Variants in VPS13C observed in about 807,000 individuals in gnomAD.
VPS13C encodes vacuolar protein sorting 13 homolog C.
Under a neutral mutation model 456.8 loss-of-function variants are expected in VPS13C, and 358 were observed. The ratio of observed to expected loss-of-function variants is 0.78; its 90% CI spans 0.72 to 0.86. The LOEUF (loss-of-function observed/expected upper bound fraction) is 0.86. VPS13C is among the 40% of genes least tolerant of loss of function. VPS13C has a pLI of 0.00. For synonymous variants in VPS13C, 1,578 were observed against 1,486.7 expected, an observed-to-expected ratio of 1.06 and a Z score of -1.41; for missense variants, 4,818 against 4,385.4, an observed-to-expected ratio of 1.10 and a Z score of -2.79.
chr15:62,002,253 A>G (rs1320265566), intron 15 of VPS13C, among the ~76,000 whole-genome samples: 12 of 152,042 alleles, frequency 7.9e-5, no homozygotes, highest in Non-Finnish European at 4.4e-5. Flanking sequence ...TTTGATTTGC[A>G]TTTCTCTGAT....
At chr15:62,028,327 T>C (rs1236953864) in intron 6 of VPS13C, 31 bp downstream of exon 6, 2 of 1,608,090 alleles carry the variant, frequency 1.2e-6, no homozygotes, top group South Asian at 1.1e-5. Flanking sequence ...TATGTTTATA[T>C]AGTTGAATAT....
intron 63 of VPS13C, 114 bp downstream of exon 63, chr15:61,911,726 A>G: frequency 5.5e-6 from 6 of 1,084,276 alleles, no homozygotes; most frequent in South Asian, 6.0e-5. Flanking sequence ...GCTGGCTGTC[A>G]TATTTCAACA....
intron 1 of VPS13C, among the ~76,000 whole-genome samples, chr15:62,056,766 A>C (rs1292609011): frequency 6.6e-6 from 1 of 152,170 alleles, no homozygotes; most frequent in Non-Finnish European, 1.5e-5. Context: ...TCTAGATAGC[A>C]GTAGTCAATT....
chr15:61,881,061 A>C, intron 71 of VPS13C, 107 bp from the exon 72 acceptor site: 1 of 851,640 alleles, frequency 1.2e-6, no homozygotes, highest in Non-Finnish European at 1.7e-6. Context: ...TTGTTCCTTC[A>C]TCTCCTAAAA....
intron 15 of VPS13C, among the ~76,000 whole-genome samples, chr15:62,001,967 C>T (rs1214256856): frequency 1.3e-5 from 2 of 152,038 alleles, no homozygotes; most frequent in Admixed American, 6.6e-5. Context: ...TGAATAATGC[C>T]GCAATAAACA....
Position 61,922,692 on chromosome 15 carries a change from C to T in VPS13C, c.6680G>A (p.Gly2227Glu), listed in dbSNP as rs753845168. 1 of 1,613,670 alleles carries T rather than the reference C, an allele frequency of 6.2e-7. No individual in the cohort carries two copies. Among genetic ancestry groups the T allele is most frequent in the Admixed American group, 1.7e-5 (1 of 59,980 alleles). The stretch of plus-strand genomic sequence containing the variant: ...CATTTCCTTAGACGTATCTTTGGAT[C>T]CATCTTCTTTTGTTTTTGGAGACAA... ...AALSPKTKED[G>E]SKDTSKEMEN... Residue 2227 changes from glycine (G) to glutamate (E), a missense_variant, in exon 54 of 85, where the codon GGA becomes GAA. Transcript: ENST00000644861.
chr15:62,057,211 C>CAAA (rs1218790823), intron 1 of VPS13C, among the ~76,000 whole-genome samples: 2 of 150,372 alleles, frequency 1.3e-5, no homozygotes, highest in Admixed American at 1.3e-4. Context: ...ACAACAACAA[C>CAAA]AAAAAAAAAA....
chr15:61,973,622 G>C, intron 25 of VPS13C, 90 bp from the exon 26 acceptor site: 5 of 901,200 alleles, frequency 5.5e-6, no homozygotes, highest in Non-Finnish European at 7.3e-6. Context: ...AGTAATAGAG[G>C]ATAAAGAGAT....
chr15:61,941,632 G>T, intron 46 of VPS13C, 131 bp downstream of exon 46: 1 of 985,724 alleles, frequency 1.0e-6, no homozygotes, highest in Non-Finnish European at 1.4e-6. Flanking sequence ...AGAAGCCAAT[G>T]GTCAAGGTTT....
At position 61,896,496 on chromosome 15, in the gene VPS13C, G is replaced by T. The variant is rs529568356; in HGVS notation, c.9106-6096C>A. The stretch of plus-strand genomic sequence containing the variant: ...ACTCAAAGAAAGGGGTGACGGACGG[G>T]ACCTGGAAAATCGGGTCACTCCCAC... On this transcript the variant is annotated intron_variant, in intron 66 of 84. Coordinates refer to ENST00000644861, the MANE Select transcript of VPS13C (RefSeq NM_020821.3). 2.6e-5 allele frequency among the ~76,000 whole-genome samples: 4 copies of T among 152,076 alleles called. No individual in the cohort carries two copies. In the South Asian group the frequency reaches 8.3e-4, roughly 32 times the overall value.
At chr15:61,960,202 G>A (rs765170983) in intron 35 of VPS13C, among the ~76,000 whole-genome samples, 2 of 152,120 alleles carry the variant, frequency 1.3e-5, no homozygotes, top group Non-Finnish European at 2.9e-5. Context: ...AAACCATGAG[G>A]AATCACTCAG....
intron 12 of VPS13C, among the ~76,000 whole-genome samples, 163 bp downstream of exon 12, chr15:62,011,944 T>C (rs1332779218): frequency 6.6e-6 from 1 of 151,956 alleles, no homozygotes; most frequent in Non-Finnish European, 1.5e-5. Context: ...TTACGATCTA[T>C]TCCTAAATAA....
rs763280480 is a variant in VPS13C, at chr15:61,868,732, G to C, written c.10790C>G (p.Pro3597Arg). Reference sequence around the variant, plus strand: ...GATGCCATCTTCATGGATCAGGCGAGGGGGACGGAGGCTAGATACTTCCTC... The same window carrying C: ...GATGCCATCTTCATGGATCAGGCGACGGGGACGGAGGCTAGATACTTCCTC... ...STEEVSSLRP[P>R]RLIHEDGIIR... is the part of the protein sequence containing the mutation. The change falls in exon 81 of 85, where the codon CCT becomes CGT. Residue 3597 changes from proline to arginine, a missense_variant. By Grantham distance (103) the Pro-to-Arg change is moderately radical. Around this residue, in one of 3 missense-constraint regions of VPS13C, gnomAD observed 261 missense variants for 234.1 expected, o/e 1.11. Coordinates refer to ENST00000644861, the MANE Select transcript of VPS13C (RefSeq NM_020821.3). 22 of 1,613,984 alleles carry C rather than the reference G, an allele frequency of 1.4e-5. No homozygotes were observed. In the East Asian group the frequency reaches 4.2e-4, roughly 31 times the overall value.
intron 46 of VPS13C, among the ~76,000 whole-genome samples, chr15:61,941,049 C>G (rs1596359633): frequency 6.6e-6 from 1 of 152,160 alleles, no homozygotes; most frequent in Admixed American, 6.5e-5. Context: ...ACTATGACAA[C>G]TGCATTATTT....
chr15:61,915,810 G>A lies in VPS13C; in HGVS notation c.8268C>T (p.His2756=), dbSNP rs368746138. Residue 2756 remains histidine (H), a synonymous_variant, in exon 61 of 85, where the codon CAC becomes CAT. Transcript: ENST00000644861. ...CCATCCGGCTGCCAATTCTCCTGAC[G>A]TGGACTGACAGGTCGACTGTCGTCA... The part of the protein sequence containing the change: ...TEVTTVDLSV[H]VRRIGSRMVL... 175 of 1,613,878 alleles carry A rather than the reference G, an allele frequency of 1.1e-4. No homozygotes were observed. Among genetic ancestry groups the A allele is most frequent in the Non-Finnish European group, 7.0e-5 (83 of 1,180,024 alleles).
chr15:61,870,700 T>C (rs1894957588), intron 79 of VPS13C, among the ~76,000 whole-genome samples: 1 of 152,198 alleles, frequency 6.6e-6, no homozygotes, highest in African/African-American at 2.4e-5. Context: ...TTTGAAGCAC[T>C]GACAGACTAT....
chr15:62,000,671 G>A (rs1002999114), intron 15 of VPS13C, 45 bp from the exon 16 acceptor site: 8 of 1,527,096 alleles, frequency 5.2e-6, no homozygotes, highest in Non-Finnish European at 7.1e-6. Context: ...TTAATCATTA[G>A]ATAAAAGAAA....
chr15:62,010,566 T>C lies in VPS13C; in HGVS notation c.917A>G (p.Tyr306Cys), dbSNP rs199504742. ...CTCTGATTCTGCATAAGGATTCATGTAGAGTTTTGCAGAGGCTGATATTGG... is the reference window on the plus strand; with the variant it reads ...CTCTGATTCTGCATAAGGATTCATGCAGAGTTTTGCAGAGGCTGATATTGG... ...FQPISASAKLYMNPYAESELK... is the reference protein window; with the variant it reads ...FQPISASAKLCMNPYAESELK... The change falls in exon 13 of 85, where the codon TAC becomes TGC. Residue 306 changes from tyrosine to cysteine, a missense_variant. This residue lies in a region of VPS13C where 4,552 missense variants were observed against 4,130.6 expected (regional missense o/e 1.10). Transcript: ENST00000644861. The C allele has an allele frequency of 1.3e-4, 215 of 1,612,966 alleles. No homozygotes were observed. Among genetic ancestry groups the C allele is most frequent in the African/African-American group, 2.0e-4 (15 of 74,906 alleles).
chr15:62,008,620 G>A (rs368971094), intron 14 of VPS13C, 35 bp downstream of exon 14: 680 of 1,471,542 alleles, frequency 4.6e-4, no homozygotes, highest in Non-Finnish European at 6.1e-4. Context: ...ATGATTATAT[G>A]TTCCTCACAA....
Sources: allele counts gnomAD v4.1 joint callset (sites outside exome capture counted in the v4.1 genomes callset), GRCh38; gene constraint gnomAD v4.1.1; regional missense constraint gnomAD v4.1.1; transcripts MANE v1.5; gene names NCBI Gene and HGNC (gene_info 2026-07-23, HGNC 2026-07-21).